Variants in ABCB6 observed in about 807,000 individuals in gnomAD.
The protein encoded by ABCB6 is ATP binding cassette subfamily B member 6 (LAN blood group), also known as ATP-binding cassette sub-family B member 6.
In ABCB6, 87 loss-of-function variants were observed where a neutral mutation model predicts 99.4. The observed-to-expected ratio is 0.88, with a 90% CI of 0.74 to 1.05. ABCB6 has a LOEUF of 1.05. ABCB6 is among the 50% of genes least tolerant of loss of function. The probability of loss-of-function intolerance (pLI) is 0.00; values close to 1 mark genes in which losing one functional copy is unlikely to be tolerated. For missense variants in ABCB6, 1,050 were observed against 1,097.9 expected (o/e 0.96, Z 0.62); for synonymous variants, 482 against 447.5 (o/e 1.08, Z -0.97).
At position 219,216,722 on chromosome 2, in the gene ABCB6, G is replaced by A; in HGVS notation, c.798C>T (p.Leu266=). ...RGSPALQLVV[L]ICLGLMGLER... The stretch of plus-strand genomic sequence containing the variant: ...CCAAACCCATGAGCCCCAGGCAGAT[G>A]AGCACCACCAGCTGCAGAGCTGGAC... Residue 266 remains leucine (L), a synonymous_variant, in exon 3 of 19, where the codon CTC becomes CTT. Transcript: ENST00000265316. The surrounding 1 kb of genome is among the most constrained non-coding windows in gnomAD (Gnocchi z 4.2). The A allele has an allele frequency of 2.5e-6, 4 of 1,604,428 alleles. No homozygotes were observed. Among genetic ancestry groups the A allele is most frequent in the Non-Finnish European group, 3.4e-6 (4 of 1,175,692 alleles).
Position 219,216,258 on chromosome 2 carries a change from T to G in ABCB6, c.971-78A>C. The G allele has an allele frequency of 6.3e-7, 1 of 1,576,162 alleles. No homozygotes were observed. The highest frequency in any genetic ancestry group is 8.6e-7 in the Non-Finnish European group (1 of 1,156,238). ...GCCCAGCACCAGGATGTGAAAGGTC[T>G]GAGAGTACATGGGGGCTGGGGAGGA... On this transcript the variant is annotated intron_variant, in intron 4 of 18. Transcript: ENST00000265316. This position sits in a 1 kb window ranked among gnomAD's most constrained non-coding sequence, Gnocchi z 4.2.
chr2:219,209,888 T>C lies in ABCB6; in HGVS notation c.*50A>G. On this transcript the variant is annotated 3_prime_UTR_variant, in exon 19 of 19. Transcript: ENST00000265316. The stretch of plus-strand genomic sequence containing the variant: ...AAATAAGCCAGGGAAAGGAGACACA[T>C]CTTATTCCCTTCTGGGTTAGTCTTT... 7.3e-7 allele frequency: 1 copy of C among 1,374,350 alleles called. No homozygotes were observed. The highest frequency in any genetic ancestry group is 1.0e-6 in the Non-Finnish European group (1 of 961,268). 85.1% of individuals were successfully genotyped at this position (1,374,350 alleles called of 1,614,324 possible). A position where few individuals can be genotyped will look rare whatever the true frequency, so the allele number is the denominator to read the frequency against.
intron 17 of ABCB6, 21 bp from the exon 18 acceptor site, chr2:219,210,319 C>T (rs759198843): frequency 2.4e-5 from 39 of 1,614,120 alleles, no homozygotes; most frequent in Admixed American, 1.0e-4. Flanking sequence ...AAAGATCAGT[C>T]GCCTACTACC....
intron 14 of ABCB6, among the ~76,000 whole-genome samples, chr2:219,211,985 G>A (rs892715008): frequency 2.0e-5 from 3 of 151,830 alleles, no homozygotes; most frequent in Admixed American, 6.6e-5. Context: ...GGATGGTCTC[G>A]ATCTCCTGAC....
intron 6 of ABCB6, 200 bp from the exon 7 acceptor site, chr2:219,214,698 T>C (rs1235751230): frequency 1.6e-6 from 1 of 626,684 alleles, no homozygotes; most frequent in Non-Finnish European, 2.8e-6. Context: ...GCAAGCTGCA[T>C]CTTGTTACAC....
chr2:219,214,708 C>T (rs1212343376), intron 6 of ABCB6: 1 of 627,436 alleles, frequency 1.6e-6, no homozygotes, highest in South Asian at 2.0e-5. Flanking sequence ...TCTTGTTACA[C>T]AAACGAGGCT....
Position 219,214,964 on chromosome 2 carries a change from G to C in ABCB6, c.1273C>G (p.Leu425Val), listed in dbSNP as rs111852229. ...GGTGTCTCCCAGCAGCACTCACTGA[G>C]GTAAAGACTCATGCACAGGAACACA... ...LIVFLCMSLY[L>V]TLTIVVTEWR... Residue 425 changes from leucine (L) to valine (V), a missense_variant, in exon 6 of 19, where the codon CTC becomes GTC. By Grantham distance (32) the Leu-to-Val change is conservative (BLOSUM62 1). Transcript: ENST00000265316. 2.9e-4 allele frequency: 476 copies of C among 1,614,070 alleles called. 1 individual carries two copies. The African/African-American group carries it at 4.7e-3, about 16-fold the overall frequency.
Position 219,210,479 on chromosome 2 carries a change from T to C in ABCB6, c.2257-4A>G, listed in dbSNP as rs1950562664. ...ATGTATCCAGCGCTGACGTTGCCTATAGAGAGGGTCCAGGTAAAACTGCTC... is the reference window on the plus strand; with the variant it reads ...ATGTATCCAGCGCTGACGTTGCCTACAGAGAGGGTCCAGGTAAAACTGCTC... On this transcript the variant is annotated splice_region_variant and splice_polypyrimidine_tract_variant and intron_variant, in intron 16 of 18. Coordinates refer to ENST00000265316, the MANE Select transcript of ABCB6 (RefSeq NM_005689.4). 1 of 1,613,760 alleles carries C rather than the reference T, an allele frequency of 6.2e-7. No homozygotes were observed.
At chr2:219,215,310 T>C (rs1950626352) in intron 5 of ABCB6, 3 of 525,858 alleles carry the variant, frequency 5.7e-6, no homozygotes, top group South Asian at 2.3e-5. Context: ...AAGAAAAATA[T>C]ATCTCCATAA....
Position 219,210,210 on chromosome 2 carries a change from T to A in ABCB6, c.2420+20A>T, listed in dbSNP as rs1950558415. The A allele has an allele frequency of 5.0e-6, 8 of 1,614,016 alleles. No homozygotes were observed. The highest frequency in any genetic ancestry group is 6.8e-6 in the Non-Finnish European group (8 of 1,179,968). On this transcript the variant is annotated intron_variant, in intron 18 of 18. Transcript: ENST00000265316. Reference sequence around the variant, plus strand: ...CCCCCAATTCAGAAGACCTGTCCTTTTGATCTATGTGTCTCTTACCGTCCC... The same window carrying A: ...CCCCCAATTCAGAAGACCTGTCCTTATGATCTATGTGTCTCTTACCGTCCC...
At chr2:219,217,445 A>G (rs1950655502) in intron 2 of ABCB6, among the ~76,000 whole-genome samples, 2 of 152,124 alleles carry the variant, frequency 1.3e-5, no homozygotes, top group Non-Finnish European at 2.9e-5. Context: ...AGAGATCGAG[A>G]CCATCCTGGC....
At chr2:219,217,905 C>T in intron 1 of ABCB6, 98 bp from the exon 2 acceptor site, 1 of 1,263,682 alleles carries the variant, frequency 7.9e-7, no homozygotes, top group Non-Finnish European at 1.1e-6. Context: ...TGAACACATT[C>T]AGCACTTACA....
Position 219,213,255 on chromosome 2 carries a change from G to A in ABCB6, c.1791C>T (p.Phe597=). 6.2e-7 allele frequency: 1 copy of A among 1,614,184 alleles called. No homozygotes were observed. The highest frequency in any genetic ancestry group is 1.1e-5 in the South Asian group (1 of 91,082). The change falls in exon 12 of 19, where the codon TTC becomes TTT. Residue 597 remains phenylalanine (F), a synonymous_variant. Coordinates refer to ENST00000265316, the MANE Select transcript of ABCB6 (RefSeq NM_005689.4). ...KGRIEFENVH[F]SYADGRETLQ... ...GAAGGCCTCACCCATCGGCATAGCT[G>A]AAGTGCACGTTCTCAAACTCAATAC...
chr2:219,213,690 C>T, intron 9 of ABCB6, 24 bp from the exon 10 acceptor site: 2 of 1,614,010 alleles, frequency 1.2e-6, no homozygotes, highest in Non-Finnish European at 8.5e-7. Context: ...GGAAGCAGAG[C>T]ATGTCACGGG....
At chr2:219,214,824 A>G (rs1320693295) in intron 6 of ABCB6, 137 bp downstream of exon 6, 14 of 985,348 alleles carry the variant, frequency 1.4e-5, no homozygotes, top group Non-Finnish European at 2.1e-5. Flanking sequence ...CGCCCATCAC[A>G]TGACGAGCAC....
rs200742967 is a variant in ABCB6, at chr2:219,213,421, T to G, written c.1719+18A>C. 1.8e-4 allele frequency: 286 copies of G among 1,613,962 alleles called. No individual in the cohort carries two copies. Among genetic ancestry groups the G allele is most frequent in the Non-Finnish European group, 2.3e-4 (275 of 1,180,002 alleles). ...CAGCTCCTCCCTCCCCAAACCCTAC[T>G]CCTCTCCCTTCGCTCACTTCTGTCT... On this transcript the variant is annotated intron_variant, in intron 11 of 18. Coordinates refer to ENST00000265316, the MANE Select transcript of ABCB6 (RefSeq NM_005689.4).
intron 1 of ABCB6, 32 bp downstream of exon 1, chr2:219,218,093 A>G (rs368736260): frequency 3.2e-6 from 5 of 1,567,772 alleles, no homozygotes; most frequent in Non-Finnish European, 4.3e-6. Context: ...CCCGGCCAGC[A>G]GAGGCTTCCC....
At position 219,218,765 on chromosome 2, in the gene ABCB6, C is replaced by T. The variant is rs1950683799; in HGVS notation, c.-92G>A. On this transcript the variant is annotated 5_prime_UTR_variant, in exon 1 of 19. Transcript: ENST00000265316. ...GAGAGGGGCGCGGACATCCGGGTGCCTTGGCTCACGTAGCCGCTGGGCGCC... is the reference window on the plus strand; with the variant it reads ...GAGAGGGGCGCGGACATCCGGGTGCTTTGGCTCACGTAGCCGCTGGGCGCC... 7.3e-7 allele frequency: 1 copy of T among 1,377,596 alleles called. No individual in the cohort carries two copies. Among genetic ancestry groups the T allele is most frequent in the Non-Finnish European group, 9.6e-7 (1 of 1,041,908 alleles). The allele number at this position is 1,377,596 out of a possible 1,614,324, so 85.3% of individuals were successfully genotyped here. A position where few individuals can be genotyped will look rare whatever the true frequency, so the allele number is the denominator to read the frequency against.
rs768614048 is a variant in ABCB6, at chr2:219,218,293, CACG to C, written c.378_380del (p.Val127del). The C allele has an allele frequency of 2.2e-4, 357 of 1,613,174 alleles. No individual in the cohort carries two copies. Among genetic ancestry groups the C allele is most frequent in the Non-Finnish European group, 2.8e-4 (336 of 1,180,042 alleles). ...GACGCTGCCGTGCCTGGCTCCGCTC[CACG>C]ACAAGCAGCCACAGGCCACAGGCGC... On this transcript the variant is annotated inframe_deletion, in exon 1 of 19. Transcript: ENST00000265316.
Sources: gnomAD v4.1 joint callset for allele counts (sites outside exome capture counted in the v4.1 genomes callset) on GRCh38, gnomAD v4.1.1 for gene constraint, Gnocchi (gnomAD v3.1) non-coding constraint, MANE v1.5 for transcripts, NCBI Gene and HGNC (gene_info 2026-07-23, HGNC 2026-07-21) for gene names.